LRRC15: variants seen among roughly 807,000 people sequenced by gnomAD.
The protein encoded by LRRC15 is leucine rich repeat containing 15.
A neutral mutation model predicts 4.3 loss-of-function variants in LRRC15; 5 were observed. That is an observed-to-expected ratio of 1.16 (90% CI 0.61 to 2.44). The LOEUF (loss-of-function observed/expected upper bound fraction) is 2.44, where lower values mean the gene tolerates loss of function less well. LRRC15 is among the 30% of genes most tolerant of loss of function. LRRC15 has a pLI of 0.01. For synonymous variants in LRRC15, 337 were observed against 323.2 expected (o/e 1.04, Z -0.46); for missense variants, 769 against 747.0 (o/e 1.03, Z -0.34).
intron 1 of LRRC15, among the ~76,000 whole-genome samples, chr3:194,362,939 GTT>G (rs140437995): frequency 0.041 from 3,196 of 78,190 alleles, 59 homozygotes; most frequent in African/African-American, 0.14. Context: ...CCTTGATTTT[GTT>G]TTTTTTTTTT....
intron 1 of LRRC15, among the ~76,000 whole-genome samples, chr3:194,366,403 C>T (rs73889813): frequency 0.016 from 2,420 of 152,344 alleles, 66 homozygotes; most frequent in African/African-American, 0.056. Context: ...TCTCTGGAGA[C>T]TCCACCCGCA....
At chr3:194,368,951 C>T (rs1713864518) in intron 1 of LRRC15, among the ~76,000 whole-genome samples, 1 of 152,238 alleles carries the variant, frequency 6.6e-6, no homozygotes, top group Non-Finnish European at 1.5e-5. Context: ...AGCCTCCAGG[C>T]TCCACAGAGG....
rs773620478 is a variant in LRRC15, at chr3:194,359,397, G to A, written c.1647C>T (p.Val549=). 7.4e-6 allele frequency: 12 copies of A among 1,614,056 alleles called. No homozygotes were observed. The highest frequency in any genetic ancestry group is 1.3e-5 in the African/African-American group (1 of 74,944). ...LAIAAIVIGI[V]ALACSLAACV... ...AGGCAGCCAGGGAGCAGGCCAGGGC[G>A]ACAATGCCAATTACAATGGCGGCAA... The change falls in exon 2 of 2, where the codon GTC becomes GTT. Residue 549 remains valine, a synonymous_variant. Transcript: ENST00000347624.
rs1713607541 is a variant in LRRC15 at position 194,360,858 on chromosome 3, G to A, written c.186C>T (p.Asn62=). ...ACTCATTGAGTTCAGTGATGTGCGTGTTGAGGATCTGCAGGCTCATGGCGT... is the reference window on the plus strand; with the variant it reads ...ACTCATTGAGTTCAGTGATGTGCGTATTGAGGATCTGCAGGCTCATGGCGT... ...PWNAMSLQIL[N]THITELNESP... The change falls in exon 2 of 2, where the codon AAC becomes AAT. Residue 62 remains asparagine (N), a synonymous_variant. Transcript: ENST00000347624. 3.1e-6 allele frequency: 5 copies of A among 1,610,882 alleles called. No individual in the cohort carries two copies. The highest frequency in any genetic ancestry group is 1.7e-5 in the Admixed American group (1 of 59,916).
In LRRC15 at chr3:194,359,920, T is replaced by C. The variant is rs769902644; in HGVS notation, c.1124A>G (p.Asn375Ser). 3 of 1,614,076 alleles carry C rather than the reference T, an allele frequency of 1.9e-6. No individual in the cohort carries two copies. Among genetic ancestry groups the C allele is most frequent in the Non-Finnish European group, 2.5e-6 (3 of 1,179,994 alleles). Residue 375 changes from asparagine to serine, a missense_variant, in exon 2 of 2, where the codon AAC becomes AGC. By Grantham distance (46) the Asn-to-Ser change is conservative (BLOSUM62 1). Transcript: ENST00000347624. ...ATTCCCTGGGAGCTGTCTGAGGCGG[T>C]TGTTCTGCAGGGAGATGTTCTGCAG... ...ANLQNISLQN[N>S]RLRQLPGNIF...
Position 194,360,392 on chromosome 3 carries a change from C to CAAA in LRRC15, c.649_651dup (p.Phe217dup). 1 of 1,614,138 alleles carries CAAA rather than the reference C, an allele frequency of 6.2e-7. No individual in the cohort carries two copies. Among genetic ancestry groups the CAAA allele is most frequent in the Non-Finnish European group, 8.5e-7 (1 of 1,180,032 alleles). The stretch of plus-strand genomic sequence containing the variant: ...AGTTCCTGCAGGTTAACAAGCCCAT[C>CAAA]AAAAGTGCCCATGGGGATATCCGTG... On this transcript the variant is annotated inframe_insertion, in exon 2 of 2. Transcript: ENST00000347624.
chr3:194,366,989 G>C (rs573356335), intron 1 of LRRC15, among the ~76,000 whole-genome samples: 2 of 152,202 alleles, frequency 1.3e-5, no homozygotes, highest in African/African-American at 4.8e-5. Flanking sequence ...GGATTGGGGA[G>C]GAGGTGGATT....
rs1560043814 is a variant in LRRC15 at position 194,358,635 on chromosome 3, CT to C, written c.*662del. On this transcript the variant is annotated 3_prime_UTR_variant, in exon 2 of 2. Transcript: ENST00000347624. ...CACAAGTGAGACACTGATGACGGCT[CT>C]TCTGTCTCCAGGAACTGAGCGGCAT... The C allele has an allele frequency of 6.6e-6, 1 of 152,632 alleles. No individual in the cohort carries two copies. The allele number at this position is 152,632 out of a possible 1,614,324, so 9.5% of individuals were successfully genotyped here. A position where few individuals can be genotyped will look rare whatever the true frequency, so the allele number is the denominator to read the frequency against.
chr3:194,365,139 A>G (rs1180228601), intron 1 of LRRC15, among the ~76,000 whole-genome samples: 2 of 151,748 alleles, frequency 1.3e-5, no homozygotes, highest in African/African-American at 4.8e-5. Context: ...CACTTCAGTG[A>G]CTCAGTCCAG....
intron 1 of LRRC15, among the ~76,000 whole-genome samples, chr3:194,361,538 G>C (rs1398652098): frequency 6.6e-6 from 1 of 152,168 alleles, no homozygotes; most frequent in Non-Finnish European, 1.5e-5. Context: ...ATCCATCTCT[G>C]TATCCCTCAC....
At chr3:194,367,442 G>A (rs1456605943) in intron 1 of LRRC15, among the ~76,000 whole-genome samples, 1 of 152,114 alleles carries the variant, frequency 6.6e-6, no homozygotes, top group South Asian at 2.1e-4. Flanking sequence ...GAGTAGCTGG[G>A]ACTACAGGTG....
intron 1 of LRRC15, among the ~76,000 whole-genome samples, chr3:194,361,573 A>G (rs1424926625): frequency 2.0e-5 from 3 of 152,176 alleles, no homozygotes. Context: ...CTGGTTAAGC[A>G]CAGCCCTGTC....
At position 194,360,810 on chromosome 3, in the gene LRRC15, G is replaced by A. The variant is rs779956450; in HGVS notation, c.234C>T (p.Ala78=). ...TCTTCTCAATCCTCAGGGCGATGAGGGCTGAGATATTGAGGAACGGGGACT... is the reference window on the plus strand; with the variant it reads ...TCTTCTCAATCCTCAGGGCGATGAGAGCTGAGATATTGAGGAACGGGGACT... ...LNESPFLNIS[A]LIALRIEKNE... The change falls in exon 2 of 2, where the codon GCC becomes GCT. Residue 78 remains alanine, a synonymous_variant. Transcript: ENST00000347624. 6.2e-7 allele frequency: 1 copy of A among 1,614,216 alleles called. No individual in the cohort carries two copies. Among genetic ancestry groups the A allele is most frequent in the Admixed American group, 1.7e-5 (1 of 60,028 alleles).
intron 1 of LRRC15, among the ~76,000 whole-genome samples, chr3:194,363,085 C>T (rs1713679405): frequency 6.6e-6 from 1 of 151,882 alleles, no homozygotes; most frequent in Non-Finnish European, 1.5e-5. Context: ...GGAATTAAGG[C>T]GCATGCCACC....
intron 1 of LRRC15, among the ~76,000 whole-genome samples, chr3:194,365,273 C>T (rs1025570948): frequency 2.6e-5 from 4 of 152,156 alleles, no homozygotes; most frequent in African/African-American, 9.7e-5. Context: ...TGATGCATTC[C>T]CTCCCCGTGA....
At position 194,368,901 on chromosome 3, in the gene LRRC15, C is replaced by T. The variant is rs146369043; in HGVS notation, c.-4+760G>A. On this transcript the variant is annotated intron_variant, in intron 1 of 1. Coordinates refer to ENST00000347624, the MANE Select transcript of LRRC15 (RefSeq NM_130830.5). ...TCACAATTTCAAATCCACATACCACCTCATCACAAATCCATCTCCTGCCCT... is the reference window on the plus strand; with the variant it reads ...TCACAATTTCAAATCCACATACCACTTCATCACAAATCCATCTCCTGCCCT... Among the ~76,000 whole-genome samples, 534 of 152,330 alleles carry T rather than the reference C, an allele frequency of 3.5e-3. 1 individual carries two copies. Among genetic ancestry groups the T allele is most frequent in the African/African-American group, 0.011 (477 of 41,572 alleles).
intron 1 of LRRC15, among the ~76,000 whole-genome samples, chr3:194,363,160 T>G (rs573707240): frequency 2.0e-5 from 3 of 152,150 alleles, no homozygotes; most frequent in African/African-American, 7.2e-5. Flanking sequence ...AGGCTGGTCT[T>G]GATCTCCTGA....
Position 194,361,046 on chromosome 3 carries a change from C to G in LRRC15, c.-3G>C, listed in dbSNP as rs1477002925. 1 of 1,503,536 alleles carries G rather than the reference C, an allele frequency of 6.7e-7. No homozygotes were observed. 93.1% of individuals were successfully genotyped at this position (1,503,536 alleles called of 1,614,324 possible). A position where few individuals can be genotyped will look rare whatever the true frequency, so the allele number is the denominator to read the frequency against. ...AGGAGATAATGCTTCAGTGGCATAG[C>G]CTGTGCAAGGGGAGAGAGCACACGT... On this transcript the variant is annotated splice_region_variant and 5_prime_UTR_variant, in exon 2 of 2. Transcript: ENST00000347624.
chr3:194,365,280 G>A (rs1022015448), intron 1 of LRRC15, among the ~76,000 whole-genome samples: 1 of 152,126 alleles, frequency 6.6e-6, no homozygotes, highest in Non-Finnish European at 1.5e-5. Flanking sequence ...TTCCCTCCCC[G>A]TGAGCAGAAG....
Sources: gnomAD v4.1 joint callset for allele counts (sites outside exome capture counted in the v4.1 genomes callset) on GRCh38, gnomAD v4.1.1 for gene constraint, MANE v1.5 for transcripts, NCBI Gene and HGNC (gene_info 2026-07-23, HGNC 2026-07-21) for gene names.